Variants in MNAT1 observed in about 807,000 individuals in gnomAD.
MNAT1 encodes MNAT1 component of CDK activating kinase, also known as CDK-activating kinase assembly factor MAT1.
In MNAT1, 43 loss-of-function variants were observed where a neutral mutation model predicts 42.0. The ratio of observed to expected loss-of-function variants is 1.02; its 90% CI spans 0.80 to 1.32. MNAT1 has a LOEUF of 1.32. Ranked by LOEUF, MNAT1 falls within the 40% of genes most tolerant of loss-of-function variation. MNAT1 has a pLI of 0.00. For synonymous variants in MNAT1, 118 were observed against 120.0 expected (o/e 0.98, Z 0.11); for missense variants, 306 against 350.4 (o/e 0.87, Z 1.01).
intron 1 of MNAT1, among the ~76,000 whole-genome samples, chr14:60,777,443 C>T (rs556041625): frequency 2.6e-5 from 4 of 151,946 alleles, no homozygotes; most frequent in East Asian, 1.9e-4. Flanking sequence ...CTCTCCCCCC[C>T]CAAAATTTTT....
chr14:60,948,239 C>T (rs926785453), intron 7 of MNAT1, among the ~76,000 whole-genome samples: 2 of 151,972 alleles, frequency 1.3e-5, no homozygotes, highest in Admixed American at 6.6e-5. Context: ...GAGAACACCC[C>T]GGGCAACTAA....
chr14:60,789,490 T>TA (rs1197963047), intron 1 of MNAT1, among the ~76,000 whole-genome samples: 1 of 152,130 alleles, frequency 6.6e-6, no homozygotes. Context: ...CTTGAATTTG[T>TA]AAAAAATGAA....
chr14:60,888,127 T>C (rs80037137), intron 7 of MNAT1, among the ~76,000 whole-genome samples: 130,682 of 138,390 alleles, frequency 0.94, 62,014 homozygotes, highest in Non-Finnish European at 0.99. Context: ...ATACCAAAGC[T>C]GGGCAGAGAC....
At chr14:60,739,528 C>G (rs1896406120) in intron 1 of MNAT1, among the ~76,000 whole-genome samples, 1 of 151,850 alleles carries the variant, frequency 6.6e-6, no homozygotes, top group Admixed American at 6.6e-5. Flanking sequence ...GGAGAAAATA[C>G]AGGAGCAGAG....
chr14:60,893,530 T>G (rs1307495010), intron 7 of MNAT1, among the ~76,000 whole-genome samples: 3 of 152,172 alleles, frequency 2.0e-5, no homozygotes, highest in African/African-American at 7.2e-5. Flanking sequence ...ATAAATAATA[T>G]TTATGCACAG....
intron 1 of MNAT1, among the ~76,000 whole-genome samples, chr14:60,761,119 G>A (rs1000561286): frequency 6.6e-6 from 1 of 152,152 alleles, no homozygotes; most frequent in African/African-American, 2.4e-5. Context: ...CATGGATTGT[G>A]TGTCATGATC....
intron 1 of MNAT1, among the ~76,000 whole-genome samples, chr14:60,776,241 G>A (rs894860541): frequency 2.0e-5 from 3 of 152,298 alleles, no homozygotes; most frequent in Admixed American, 6.5e-5. Context: ...GGAGCTCCTT[G>A]TGAGGTCAAA....
At chr14:60,747,206 G>C (rs569418088) in intron 1 of MNAT1, among the ~76,000 whole-genome samples, 204 of 151,762 alleles carry the variant, frequency 1.3e-3, no homozygotes, top group Non-Finnish European at 2.2e-3. Context: ...GGATGGTCTT[G>C]ATCTCCTGAC....
At chr14:60,876,920 C>T (rs2034447911) in intron 6 of MNAT1, among the ~76,000 whole-genome samples, 1 of 151,982 alleles carries the variant, frequency 6.6e-6, no homozygotes, top group Admixed American at 6.6e-5. Flanking sequence ...TTCTTTGAGA[C>T]CCTGCTTTCA....
At chr14:60,737,849 T>C (rs1896348314) in intron 1 of MNAT1, among the ~76,000 whole-genome samples, 1 of 150,626 alleles carries the variant, frequency 6.6e-6, no homozygotes, top group African/African-American at 2.4e-5. Flanking sequence ...GGAAACCCTA[T>C]CCTTTTTTTT....
rs71114155 is a variant in MNAT1 at position 60,784,179 on chromosome 14, A to ATTTTTTTTTT, written c.90-12023_90-12014dup. On this transcript the variant is annotated intron_variant, in intron 1 of 7. Transcript: ENST00000261245. ...AGATACGTGCCACCATGCCTGGCTA[A>ATTTTTTTTTT]TTTTTTTTTTTTTTTTTTTTTTTTA... Among the ~76,000 whole-genome samples the ATTTTTTTTTT allele has an allele frequency of 3.2e-3, 169 of 53,288 alleles. 31 individuals are homozygous for ATTTTTTTTTT. The highest frequency in any genetic ancestry group is 6.6e-3 in the African/African-American group (86 of 13,100). The allele number at this position is 53,288 out of a possible 152,430, so 35.0% of individuals were successfully genotyped here. A position where few individuals can be genotyped will look rare whatever the true frequency, so the allele number is the denominator to read the frequency against.
chr14:60,806,223 G>A lies in MNAT1; in HGVS notation c.317-2102G>A, dbSNP rs1204268074. Among the ~76,000 whole-genome samples the A allele has an allele frequency of 7.9e-5, 12 of 152,232 alleles. 1 individual carries two copies. The highest frequency in any genetic ancestry group is 4.6e-4 in the Admixed American group (7 of 15,286). On this transcript the variant is annotated intron_variant, in intron 3 of 7. Coordinates refer to ENST00000261245, the MANE Select transcript of MNAT1 (RefSeq NM_002431.4). ...GGTAAATGCCAGCAGAGCGATATTA[G>A]ACAATGTATTGTAAGCATTCAGGGA... is the stretch of plus-strand genomic sequence containing the variant.
chr14:60,945,032 A>T (rs1020907764), intron 7 of MNAT1, among the ~76,000 whole-genome samples: 1 of 152,222 alleles, frequency 6.6e-6, no homozygotes, highest in African/African-American at 2.4e-5. Context: ...AAATTCAGTC[A>T]GTGCAATTAA....
chr14:60,780,768 G>A (rs1003226886), intron 1 of MNAT1, among the ~76,000 whole-genome samples: 1 of 151,880 alleles, frequency 6.6e-6, no homozygotes, highest in African/African-American at 2.4e-5. Flanking sequence ...GTACCTATTT[G>A]ACTCACCATG....
In MNAT1 at chr14:60,968,776, T is replaced by C. The variant is rs4151412; in HGVS notation, c.*427T>C. 299 of 271,858 alleles carry C rather than the reference T, an allele frequency of 1.1e-3. 1 individual carries two copies. The East Asian group carries it at 0.023, about 21-fold the overall frequency. The allele number at this position is 271,858 out of a possible 1,614,324, so 16.8% of individuals were successfully genotyped here. On this transcript the variant is annotated 3_prime_UTR_variant, in exon 8 of 8. Coordinates refer to ENST00000261245, the MANE Select transcript of MNAT1 (RefSeq NM_002431.4). ...TTACTGTTAATATCCAAGTCTATTATTTCTTCTCATAAAATGTTCCCCTTT... is the reference window on the plus strand; with the variant it reads ...TTACTGTTAATATCCAAGTCTATTACTTCTTCTCATAAAATGTTCCCCTTT...
chr14:60,803,585 A>G (rs1220075267), intron 3 of MNAT1, among the ~76,000 whole-genome samples: 1 of 152,172 alleles, frequency 6.6e-6, no homozygotes, highest in Non-Finnish European at 1.5e-5. Context: ...CTATGGAATT[A>G]TTAGAGATGA....
Position 60,944,555 on chromosome 14 carries a change from C to A in MNAT1, c.810-23674C>A, listed in dbSNP as rs894620938. Among the ~76,000 whole-genome samples the A allele has an allele frequency of 2.6e-5, 4 of 152,162 alleles. 1 individual carries two copies. In the South Asian group the frequency reaches 8.3e-4, roughly 32 times the overall value. On this transcript the variant is annotated intron_variant, in intron 7 of 7. Transcript: ENST00000261245. ...CTGAGTGTGTGGTATTTTGTTATAG[C>A]AGTTGAAGTAGACAAATAGACTATT...
chr14:60,766,317 AG>A (rs913629609), intron 1 of MNAT1, among the ~76,000 whole-genome samples: 1 of 151,082 alleles, frequency 6.6e-6, no homozygotes, highest in Non-Finnish European at 1.5e-5. Flanking sequence ...ACTGCACTCC[AG>A]CCTGGGTGAC....
intron 1 of MNAT1, among the ~76,000 whole-genome samples, chr14:60,779,171 G>C (rs1487980385): frequency 3.3e-5 from 5 of 152,218 alleles, no homozygotes; most frequent in Admixed American, 2.6e-4. Context: ...GGTATGGACA[G>C]AGAAGAATAT....
Sources: gnomAD v4.1 joint callset for allele counts (sites outside exome capture counted in the v4.1 genomes callset) on GRCh38, gnomAD v4.1.1 for gene constraint, MANE v1.5 for transcripts, NCBI Gene and HGNC (gene_info 2026-07-23, HGNC 2026-07-21) for gene names.